Variants in UBE4A observed in about 807,000 individuals in gnomAD.
UBE4A encodes the protein ubiquitin conjugation factor E4 A.
UBE4A carries 48 observed loss-of-function variants against 117.9 expected under a neutral mutation model. That is an observed-to-expected ratio of 0.41 (90% confidence interval 0.32 to 0.52). The LOEUF is 0.52. UBE4A is among the 20% of genes least tolerant of loss of function. The pLI is 0.33. For synonymous variants in UBE4A, 407 were observed against 450.0 expected (o/e 0.90, Z 1.21); for missense variants, 1,067 against 1,296.3 (o/e 0.82, Z 2.72).
At chr11:118,396,256 G>T (rs1361331688) in intron 19 of UBE4A, 58 bp from the exon 20 acceptor site, 1 of 1,563,120 alleles carries the variant, frequency 6.4e-7, no homozygotes, top group East Asian at 2.4e-5. Flanking sequence ...TCTGTTTTTG[G>T]CTTAGAATGT....
At position 118,390,650 on chromosome 11, in the gene UBE4A, G is replaced by A; in HGVS notation, c.2769-7G>A. ...TGATCAGTTTTTTTCTGATGCTAAT[G>A]TTCCAGGGATGAGGAGAATTTCTGT... On this transcript the variant is annotated splice_polypyrimidine_tract_variant and splice_region_variant and intron_variant, in intron 17 of 19. Coordinates refer to ENST00000252108, the MANE Select transcript of UBE4A (RefSeq NM_001204077.2). The A allele has an allele frequency of 6.7e-7, 1 of 1,501,962 alleles. No homozygotes were observed. Among genetic ancestry groups the A allele is most frequent in the Admixed American group, 2.3e-5 (1 of 42,788 alleles). 93.0% of individuals were successfully genotyped at this position (1,501,962 alleles called of 1,614,324 possible).
chr11:118,365,018 C>G, intron 1 of UBE4A, 22 bp from the exon 2 acceptor site: 1 of 1,575,554 alleles, frequency 6.3e-7, no homozygotes, highest in Non-Finnish European at 8.6e-7. Context: ...CCTCTTGTGT[C>G]TAATACCTGT....
intron 6 of UBE4A, among the ~76,000 whole-genome samples, 169 bp from the exon 7 acceptor site, chr11:118,372,917 G>A (rs983017759): frequency 6.6e-6 from 1 of 150,706 alleles, no homozygotes; most frequent in Non-Finnish European, 1.5e-5. Flanking sequence ...AGGCTGTAGT[G>A]TGCTATAATC....
At chr11:118,373,759 G>A in intron 8 of UBE4A, 74 bp downstream of exon 8, 2 of 1,487,100 alleles carry the variant, frequency 1.3e-6, no homozygotes. Context: ...TACAGATAAG[G>A]CTGCTCAAGC....
rs1018499333 is a variant in UBE4A at position 118,388,416 on chromosome 11, C to T, written c.2588-1309C>T. On this transcript the variant is annotated intron_variant, in intron 16 of 19. Coordinates refer to ENST00000252108, the MANE Select transcript of UBE4A (RefSeq NM_001204077.2). ...CTGTAATCCCAGCACTTTGGGAGGT[C>T]GAGGCAAGCAGATCACAAGGTCAGG... 3.3e-5 allele frequency among the ~76,000 whole-genome samples: 5 copies of T among 151,962 alleles called. 1 individual carries two copies. Among genetic ancestry groups the T allele is most frequent in the South Asian group, 4.2e-4 (2 of 4,804 alleles).
intron 9 of UBE4A, among the ~76,000 whole-genome samples, chr11:118,375,763 TATTC>T (rs1948647695): frequency 6.6e-6 from 1 of 152,162 alleles, no homozygotes; most frequent in Non-Finnish European, 1.5e-5. Context: ...CAGCCTTGCA[TATTC>T]ATTCATTCAT....
At chr11:118,385,631 C>G (rs1287445779) in intron 15 of UBE4A, among the ~76,000 whole-genome samples, 2 of 152,168 alleles carry the variant, frequency 1.3e-5, no homozygotes, top group Non-Finnish European at 2.9e-5. Flanking sequence ...GCAAAACTTC[C>G]CTTACCTGTG....
Position 118,386,419 on chromosome 11 carries a change from C to A in UBE4A, c.2413-19C>A. 6.3e-7 allele frequency: 1 copy of A among 1,592,792 alleles called. No homozygotes were observed. Among genetic ancestry groups the A allele is most frequent in the Non-Finnish European group, 8.5e-7 (1 of 1,173,144 alleles). On this transcript the variant is annotated intron_variant, in intron 15 of 19. Transcript: ENST00000252108. ...CTGCACCTTTCTTCTCTGATATATC[C>A]CATCTCTGGTTTCTGCAGTATTTGA...
In UBE4A at chr11:118,390,816, G is replaced by A. The variant is rs782328733; in HGVS notation, c.2916+12G>A. 3 of 1,609,374 alleles carry A rather than the reference G, an allele frequency of 1.9e-6. No individual in the cohort carries two copies. The highest frequency in any genetic ancestry group is 2.5e-6 in the Non-Finnish European group (3 of 1,177,100). On this transcript the variant is annotated intron_variant, in intron 18 of 19. Transcript: ENST00000252108. ...CAGAGAGAATCAAGGTGAGGAAGAG[G>A]AGGAATTGTTTGCTGATTTCATTAA...
In UBE4A at chr11:118,374,920, A is replaced by T; in HGVS notation, c.1141A>T (p.Ile381Phe). The T allele has an allele frequency of 6.5e-7, 1 of 1,543,366 alleles. No homozygotes were observed. Residue 381 changes from isoleucine to phenylalanine, a missense_variant, in exon 9 of 20, where the codon ATC becomes TTC. Coordinates refer to ENST00000252108, the MANE Select transcript of UBE4A (RefSeq NM_001204077.2). ...GTTCATGGCTCAGTTCCACGAAAAGATCTACCAGATGCTGAAGAACTTACT... is the reference window on the plus strand; with the variant it reads ...GTTCATGGCTCAGTTCCACGAAAAGTTCTACCAGATGCTGAAGAACTTACT... ...HQFMAQFHEKIYQMLKNLLQL... is the reference protein window; with the variant it reads ...HQFMAQFHEKFYQMLKNLLQL...
intron 9 of UBE4A, 36 bp from the exon 10 acceptor site, chr11:118,376,538 A>G (rs1555125389): frequency 1.9e-6 from 3 of 1,605,818 alleles, no homozygotes; most frequent in South Asian, 1.1e-5. Context: ...GGAGACCAAG[A>G]CATTTACCCT....
intron 3 of UBE4A, 38 bp downstream of exon 3, chr11:118,368,842 A>G (rs767331316): frequency 5.6e-6 from 9 of 1,607,004 alleles, no homozygotes; most frequent in Non-Finnish European, 6.0e-6. Context: ...TACCCTTCCT[A>G]TTTGAGCTTG....
intron 10 of UBE4A, among the ~76,000 whole-genome samples, chr11:118,377,937 A>G (rs1555125662): frequency 6.7e-6 from 1 of 149,738 alleles, no homozygotes; most frequent in East Asian, 2.0e-4. Context: ...AAATTTCATT[A>G]CTACTCCTGG....
At position 118,386,531 on chromosome 11, in the gene UBE4A, C is replaced by T. The variant is rs1948760232; in HGVS notation, c.2506C>T (p.Leu836=). 1.2e-6 allele frequency: 2 copies of T among 1,606,688 alleles called. No individual in the cohort carries two copies. Among genetic ancestry groups the T allele is most frequent in the Middle Eastern group, 1.7e-4 (1 of 6,046 alleles). The change falls in exon 16 of 20, where the codon CTA becomes TTA. Residue 836 remains leucine (L), a synonymous_variant. Coordinates refer to ENST00000252108, the MANE Select transcript of UBE4A (RefSeq NM_001204077.2). ...PEARREKEAG[L]QMFGQLARFH... ...AGCCCGCCGAGAAAAGGAGGCTGGC[C>T]TACAGATGTTTGGACAGCTGGCACG...
At chr11:118,395,485 G>A (rs1266161226) in intron 19 of UBE4A, among the ~76,000 whole-genome samples, 1 of 152,192 alleles carries the variant, frequency 6.6e-6, no homozygotes, top group African/African-American at 2.4e-5. Flanking sequence ...AATGTGGCCT[G>A]GGAAGCCAAA....
rs552878286 is a variant in UBE4A at position 118,394,466 on chromosome 11, A to G, written c.3074+1571A>G. On this transcript the variant is annotated intron_variant, in intron 19 of 19. Transcript: ENST00000252108. ...CATAGCCACCTTGTTTGGCCTCTCC[A>G]TATTTAAAATTAAGTTATATCGAGC... 3.3e-5 allele frequency among the ~76,000 whole-genome samples: 5 copies of G among 152,238 alleles called. No individual in the cohort carries two copies. The East Asian group carries it at 9.7e-4, about 29-fold the overall frequency.
chr11:118,372,619 T>C lies in UBE4A; in HGVS notation c.674T>C (p.Ile225Thr). ...CCAGAGATCTATGTTGACCAAAACA[T>C]CCATGAGCAACTGGTAGATTTGATG... ...LTPEIYVDQN[I>T]HEQLVDLMLE... is the part of the protein sequence containing the mutation. Residue 225 changes from isoleucine to threonine, a missense_variant, in exon 6 of 20, where the codon ATC (isoleucine) becomes ACC (threonine). Ile to Thr is a moderately conservative substitution (Grantham distance 89). Around this residue, in one of 3 missense-constraint regions of UBE4A, gnomAD observed 1,001 missense variants for 1,184.0 expected, o/e 0.85. Transcript: ENST00000252108. The C allele has an allele frequency of 6.2e-7, 1 of 1,614,138 alleles. No homozygotes were observed. The highest frequency in any genetic ancestry group is 8.5e-7 in the Non-Finnish European group (1 of 1,180,020).
intron 2 of UBE4A, among the ~76,000 whole-genome samples, chr11:118,366,338 TGA>T (rs1209355670): frequency 1.3e-5 from 2 of 152,190 alleles, no homozygotes; most frequent in Non-Finnish European, 2.9e-5. Context: ...GTATGATTTA[TGA>T]GTATGTGGTT....
At chr11:118,375,522 G>A (rs1375185657) in intron 9 of UBE4A, among the ~76,000 whole-genome samples, 6 of 152,084 alleles carry the variant, frequency 3.9e-5, no homozygotes, top group Non-Finnish European at 8.8e-5. Context: ...ACCACGCCCA[G>A]CTAATTTTGT....
Sources: allele counts gnomAD v4.1 joint callset (sites outside exome capture counted in the v4.1 genomes callset), GRCh38; gene constraint gnomAD v4.1.1; regional missense constraint gnomAD v4.1.1; transcripts MANE v1.5; gene names NCBI Gene and HGNC (gene_info 2026-07-23, HGNC 2026-07-21).